Variants in TRPM3 observed in about 807,000 individuals in gnomAD.
TRPM3 encodes long transient receptor potential channel 3.
A neutral mutation model predicts 181.2 loss-of-function variants in TRPM3; 77 were observed. The ratio of observed to expected loss-of-function variants is 0.42; its 90% CI spans 0.35 to 0.51. TRPM3 has a LOEUF of 0.51. Among genes scored for constraint, TRPM3 ranks in the 20% least tolerant of loss-of-function variants. The pLI is 0.01. For synonymous variants in TRPM3, 745 were observed against 796.4 expected (o/e 0.94, Z 1.09); for missense variants, 1,759 against 2,196.7 (o/e 0.80, Z 3.98).
intron 1 of TRPM3, among the ~76,000 whole-genome samples, chr9:71,263,924 T>C (rs2083221378): frequency 6.6e-6 from 1 of 152,078 alleles, no homozygotes; most frequent in Non-Finnish European, 1.5e-5. Flanking sequence ...GGACCACAGG[T>C]GCATGCTACC....
intron 1 of TRPM3, among the ~76,000 whole-genome samples, chr9:71,103,410 T>C (rs987006302): frequency 4.6e-5 from 7 of 152,172 alleles, no homozygotes; most frequent in Admixed American, 6.5e-5. Flanking sequence ...GAGGTCAAAA[T>C]ATGATCATTT....
intron 7 of TRPM3, among the ~76,000 whole-genome samples, chr9:70,770,709 T>C (rs552896064): frequency 6.6e-6 from 1 of 152,326 alleles, no homozygotes; most frequent in South Asian, 2.1e-4. Flanking sequence ...GTAGTATATG[T>C]CTTTTTAGGT....
intron 1 of TRPM3, among the ~76,000 whole-genome samples, chr9:71,068,058 C>T (rs1266394856): frequency 1.3e-5 from 2 of 152,272 alleles, no homozygotes; most frequent in East Asian, 3.9e-4. Flanking sequence ...AACTTACATG[C>T]TCTCTGATGG....
intron 22 of TRPM3, among the ~76,000 whole-genome samples, chr9:70,589,671 A>G (rs908557139): frequency 6.6e-6 from 1 of 152,198 alleles, no homozygotes; most frequent in Non-Finnish European, 1.5e-5. Flanking sequence ...TACAACCAGG[A>G]GATGGAGTTA....
At chr9:71,180,643 G>A (rs988857238) in intron 1 of TRPM3, among the ~76,000 whole-genome samples, 1 of 152,130 alleles carries the variant, frequency 6.6e-6, no homozygotes, top group African/African-American at 2.4e-5. Flanking sequence ...GTAGCTGTGA[G>A]GATGTGCAGA....
chr9:71,260,729 T>C (rs765691565), intron 1 of TRPM3, among the ~76,000 whole-genome samples: 11 of 152,228 alleles, frequency 7.2e-5, no homozygotes, highest in Admixed American at 1.3e-4. Flanking sequence ...CACATTGATT[T>C]TGTATCCTGA....
At chr9:70,566,207 C>T (rs1430499488) in intron 22 of TRPM3, among the ~76,000 whole-genome samples, 4 of 152,040 alleles carry the variant, frequency 2.6e-5, no homozygotes, top group African/African-American at 9.7e-5. Context: ...TAGGAAGGAT[C>T]AGGTGTGATG....
chr9:70,834,618 G>A lies in TRPM3; in HGVS notation c.802-6600C>T, dbSNP rs58857130. Among the ~76,000 whole-genome samples, 352 of 152,300 alleles carry A rather than the reference G, an allele frequency of 2.3e-3. 2 individuals are homozygous for A. The highest frequency in any genetic ancestry group is 7.6e-3 in the African/African-American group (317 of 41,576). On this transcript the variant is annotated intron_variant, in intron 5 of 25. Transcript: ENST00000677713. The stretch of plus-strand genomic sequence containing the variant: ...AGGGTTTCTCTTAGCTCTCTCTCAC[G>A]TTACTTACTCTGGGGGAAGCCAGTG...
chr9:71,230,920 G>T (rs952392735), intron 1 of TRPM3, among the ~76,000 whole-genome samples: 3 of 152,054 alleles, frequency 2.0e-5, no homozygotes, highest in Admixed American at 6.6e-5. Context: ...TATCTTAAAG[G>T]CAAATTTCTC....
chr9:70,936,914 C>CA (rs1410389760), intron 1 of TRPM3, among the ~76,000 whole-genome samples: 1 of 150,868 alleles, frequency 6.6e-6, no homozygotes, highest in Non-Finnish European at 1.5e-5. Flanking sequence ...AAAGACCATA[C>CA]AAAAAACCAT....
intron 1 of TRPM3, among the ~76,000 whole-genome samples, chr9:71,233,708 T>TA (rs1229240981): frequency 2.6e-5 from 4 of 152,212 alleles, no homozygotes; most frequent in Non-Finnish European, 4.4e-5. Context: ...TAGGTGTTAT[T>TA]ATTAGCATTA....
intron 1 of TRPM3, among the ~76,000 whole-genome samples, chr9:71,101,486 G>A (rs957366790): frequency 6.6e-6 from 1 of 152,128 alleles, no homozygotes; most frequent in Non-Finnish European, 1.5e-5. Flanking sequence ...TGAAGACAGG[G>A]CTAGGAGAGT....
intron 8 of TRPM3, among the ~76,000 whole-genome samples, chr9:70,740,808 T>C (rs2073906629): frequency 6.6e-6 from 1 of 152,108 alleles, no homozygotes; most frequent in South Asian, 2.1e-4. Flanking sequence ...TATACAAAAA[T>C]CAACTCAAGA....
At chr9:70,827,122 A>G (rs1227564666) in intron 6 of TRPM3, 1 of 152,262 alleles carries the variant, frequency 6.6e-6, no homozygotes, top group Non-Finnish European at 1.5e-5. Context: ...ATCCATATGT[A>G]TCTAGAGACA....
intron 1 of TRPM3, among the ~76,000 whole-genome samples, chr9:71,383,318 T>C (rs538509028): frequency 1.9e-4 from 29 of 152,252 alleles, no homozygotes; most frequent in African/African-American, 7.0e-4. Context: ...CCCTTCCAGA[T>C]TCATTTTTGA....
At chr9:70,997,371 A>AT (rs1185966570) in intron 1 of TRPM3, among the ~76,000 whole-genome samples, 1 of 151,904 alleles carries the variant, frequency 6.6e-6, no homozygotes. Context: ...AATTTTTTGT[A>AT]TTTTTAGTAG....
At chr9:70,592,186 C>T (rs1340076815) in intron 21 of TRPM3, among the ~76,000 whole-genome samples, 1 of 152,074 alleles carries the variant, frequency 6.6e-6, no homozygotes, top group East Asian at 1.9e-4. Flanking sequence ...CTTTTATAAA[C>T]AGTTTCTACC....
At chr9:71,344,013 G>GTTAGA (rs78208290) in intron 1 of TRPM3, among the ~76,000 whole-genome samples, 18,280 of 150,090 alleles carry the variant, frequency 0.12, 1,381 homozygotes, top group East Asian at 0.23. Flanking sequence ...ATTATTCCAT[G>GTTAGA]TTAGATTAGA....
At chr9:71,219,682 G>C (rs985359988) in intron 1 of TRPM3, among the ~76,000 whole-genome samples, 3 of 152,184 alleles carry the variant, frequency 2.0e-5, no homozygotes, top group Admixed American at 2.0e-4. Context: ...AACTGTTTTA[G>C]ATACTGACAT....
Sources: gnomAD v4.1 joint callset for allele counts (sites outside exome capture counted in the v4.1 genomes callset) on GRCh38, gnomAD v4.1.1 for gene constraint, MANE v1.5 for transcripts, NCBI Gene and HGNC (gene_info 2026-07-23, HGNC 2026-07-21) for gene names.